LAP3: variants seen among roughly 807,000 people sequenced by gnomAD.
LAP3 encodes cytosol aminopeptidase.
A neutral mutation model predicts 58.8 loss-of-function variants in LAP3; 46 were observed. The observed-to-expected ratio is 0.78, with a 90% CI of 0.62 to 1.00. The LOEUF is 1.00. Ranked by LOEUF, LAP3 falls within the 50% of genes least tolerant of loss-of-function variation. The probability of loss-of-function intolerance (pLI) is 0.00; values close to 1 mark genes in which losing one functional copy is unlikely to be tolerated. For synonymous variants in LAP3, 257 were observed against 237.7 expected (o/e 1.08, Z -0.75); for missense variants, 615 against 659.1 (o/e 0.93, Z 0.73).
rs772219866 is a variant in LAP3 at position 17,583,498 on chromosome 4, T to G, written c.395T>G (p.Ile132Ser). 6 of 1,613,964 alleles carry G rather than the reference T, an allele frequency of 3.7e-6. No individual in the cohort carries two copies. In the Admixed American group the frequency reaches 1.0e-4, roughly 27 times the overall value. The change falls in exon 5 of 13, where the codon ATT becomes AGT. Residue 132 changes from isoleucine to serine, a missense_variant. By Grantham distance (142) the Ile-to-Ser change is moderately radical. Transcript: ENST00000226299. ...TCTTTTCAAGCGGGGTGCAGGCAGA[T>G]TCAAGACCTGGAGCTCTCGTCTGTG... ...RAAVAAGCRQ[I>S]QDLELSSVEV...
At chr4:17,580,232 C>G in intron 2 of LAP3, among the ~76,000 whole-genome samples, 1 of 94,756 alleles carries the variant, frequency 1.1e-5, no homozygotes, top group Non-Finnish European at 2.1e-5. Flanking sequence ...GTTGGCCAGG[C>G]TGGTGTTGAA....
chr4:17,588,993 T>C lies in LAP3; in HGVS notation c.863+16T>C, dbSNP rs2109020159. 1 of 1,607,352 alleles carries C rather than the reference T, an allele frequency of 6.2e-7. No homozygotes were observed. The highest frequency in any genetic ancestry group is 8.5e-7 in the Non-Finnish European group (1 of 1,175,440). On this transcript the variant is annotated intron_variant, in intron 7 of 12. Transcript: ENST00000226299. ...CCTTTGACAGGTATTTTTTATGGTGTCCGTGCTTTGTATTTTGGTGAATTA... is the reference window on the plus strand; with the variant it reads ...CCTTTGACAGGTATTTTTTATGGTGCCCGTGCTTTGTATTTTGGTGAATTA...
At chr4:17,586,931 C>A (rs529348534) in intron 6 of LAP3, among the ~76,000 whole-genome samples, 4 of 152,312 alleles carry the variant, frequency 2.6e-5, no homozygotes, top group Admixed American at 2.6e-4. Flanking sequence ...CATGGCGAAA[C>A]ACCATCTCTA....
At chr4:17,584,534 C>A (rs1713452298) in intron 5 of LAP3, among the ~76,000 whole-genome samples, 1 of 152,220 alleles carries the variant, frequency 6.6e-6, no homozygotes, top group Non-Finnish European at 1.5e-5. Context: ...AAAAGGTCTT[C>A]AGTTGCCACG....
intron 7 of LAP3, among the ~76,000 whole-genome samples, chr4:17,592,423 T>G (rs540696099): frequency 2.6e-5 from 4 of 152,356 alleles, no homozygotes; most frequent in African/African-American, 9.6e-5. Flanking sequence ...TTGAGTAGTG[T>G]TCAATTGTAT....
At chr4:17,587,426 G>GTT (rs1446103155) in intron 6 of LAP3, 1 of 78,188 alleles carries the variant, frequency 1.3e-5, no homozygotes, top group African/African-American at 5.9e-5. Context: ...CCTTGTTGTT[G>GTT]TTGTTTTTTT....
intron 1 of LAP3, among the ~76,000 whole-genome samples, 198 bp from the exon 2 acceptor site, chr4:17,579,626 T>C (rs557963333): frequency 6.6e-6 from 1 of 152,290 alleles, no homozygotes; most frequent in African/African-American, 2.4e-5. Context: ...GGTCTTGCTT[T>C]GGCAGGAATC....
rs375901782 is a variant in LAP3, at chr4:17,607,544, G to C, written c.1515G>C (p.Arg505Ser). The C allele has an allele frequency of 7.0e-5, 113 of 1,613,776 alleles. No individual in the cohort carries two copies. The highest frequency in any genetic ancestry group is 9.5e-5 in the Non-Finnish European group (112 of 1,179,972). The change falls in exon 13 of 13, where the codon AGG (arginine) becomes AGC (serine). Residue 505 changes from arginine (R) to serine (S), a missense_variant. Arg to Ser is a moderately radical substitution (Grantham distance 110, BLOSUM62 -1). Transcript: ENST00000226299. ...LRKGMTGRPT[R>S]TLIEFLLRFS... ...AAGGCATGACTGGGAGGCCCACAAG[G>C]ACTCTCATTGAGTTCTTACTTCGTT...
intron 7 of LAP3, 129 bp from the exon 8 acceptor site, chr4:17,595,281 G>A (rs532478052): frequency 2.1e-5 from 20 of 936,514 alleles, no homozygotes; most frequent in African/African-American, 1.3e-4. Context: ...CTCGTGATCC[G>A]CCCACCTCGG....
Position 17,582,295 on chromosome 4 carries a change from C to G in LAP3, c.281C>G (p.Pro94Arg). The G allele has an allele frequency of 6.2e-7, 1 of 1,613,722 alleles. No individual in the cohort carries two copies. The highest frequency in any genetic ancestry group is 8.5e-7 in the Non-Finnish European group (1 of 1,179,680). Residue 94 changes from proline to arginine, a missense_variant, in exon 4 of 13, where the codon CCC (proline) becomes CGC (arginine). By Grantham distance (103) the Pro-to-Arg change is moderately radical. Coordinates refer to ENST00000226299, the MANE Select transcript of LAP3 (RefSeq NM_015907.3). ...RTFYGLHQDF[P>R]SVVLVGLGKK... ...GGTGTATCTGTGGGACAGGACTTCCCCAGCGTGGTGCTAGTTGGCCTCGGC... is the reference window on the plus strand; with the variant it reads ...GGTGTATCTGTGGGACAGGACTTCCGCAGCGTGGTGCTAGTTGGCCTCGGC...
intron 7 of LAP3, among the ~76,000 whole-genome samples, chr4:17,592,100 AATAG>A (rs1388194279): frequency 3.3e-5 from 5 of 152,128 alleles, no homozygotes; most frequent in African/African-American, 9.7e-5. Context: ...TAAATAAATA[AATAG>A]ATAGATTAGA....
intron 4 of LAP3, chr4:17,582,646 T>A: frequency 2.9e-6 from 1 of 347,026 alleles, no homozygotes; most frequent in Non-Finnish European, 5.3e-6. Context: ...TTGTTCGCTC[T>A]TGTCATATTA....
chr4:17,592,488 T>C (rs1348637705), intron 7 of LAP3, among the ~76,000 whole-genome samples: 2 of 152,236 alleles, frequency 1.3e-5, no homozygotes, highest in Non-Finnish European at 2.9e-5. Context: ...TTGTGTTGTT[T>C]CCAGTTTTAG....
chr4:17,577,415 C>G lies in LAP3; in HGVS notation c.-51C>G, dbSNP rs1399564406. On this transcript the variant is annotated 5_prime_UTR_variant, in exon 1 of 13. Transcript: ENST00000226299. ...CCCCGCCCCAAGGCGCGCCCGCCCACCGCTCTCCACGTGCTCGCTGGAGGG... is the reference window on the plus strand; with the variant it reads ...CCCCGCCCCAAGGCGCGCCCGCCCAGCGCTCTCCACGTGCTCGCTGGAGGG... 4 of 1,409,522 alleles carry G rather than the reference C, an allele frequency of 2.8e-6. No individual in the cohort carries two copies. Among genetic ancestry groups the G allele is most frequent in the Non-Finnish European group, 3.8e-6 (4 of 1,055,282 alleles). The allele number at this position is 1,409,522 out of a possible 1,614,324, so 87.3% of individuals were successfully genotyped here.
intron 6 of LAP3, 50 bp from the exon 7 acceptor site, chr4:17,588,769 T>C (rs201380506): frequency 6.6e-7 from 1 of 1,523,918 alleles, no homozygotes; most frequent in East Asian, 2.3e-5. Flanking sequence ...TCTGTTATTT[T>C]GAAATAAAGG....
chr4:17,581,855 C>G (rs1316538721), intron 3 of LAP3, 41 bp downstream of exon 3: 1 of 1,490,714 alleles, frequency 6.7e-7, no homozygotes, highest in East Asian at 2.3e-5. Context: ...CCTCAATGAG[C>G]ATCTACTGTA....
Position 17,577,246 on chromosome 4 carries a change from G to GCC in LAP3, c.-219_-218insCC. 3 of 376,496 alleles carry GCC rather than the reference G, an allele frequency of 8.0e-6. No individual in the cohort carries two copies. Among genetic ancestry groups the GCC allele is most frequent in the East Asian group, 4.3e-5 (1 of 23,146 alleles). The allele number at this position is 376,496 out of a possible 1,614,324, so 23.3% of individuals were successfully genotyped here. ...AATGCGGGCGCACACGAATGCGGGC[G>GCC]CACCCTTGAGTCCCCTCCACAACCG... On this transcript the variant is annotated 5_prime_UTR_variant, in exon 1 of 13. It introduces an in-frame stop codon into an upstream open reading frame of the 5' UTR. Transcript: ENST00000226299.
At chr4:17,597,490 A>G (rs1713860641) in intron 9 of LAP3, among the ~76,000 whole-genome samples, 1 of 152,146 alleles carries the variant, frequency 6.6e-6, no homozygotes. Flanking sequence ...GCTGGTCCCA[A>G]ACTCCTAGAC....
At chr4:17,591,499 A>G (rs764869710) in intron 7 of LAP3, among the ~76,000 whole-genome samples, 3 of 152,154 alleles carry the variant, frequency 2.0e-5, no homozygotes, top group Admixed American at 6.5e-5. Flanking sequence ...GGTGAAGTTT[A>G]TTGTTAATTT....
Sources: allele counts gnomAD v4.1 joint callset (sites outside exome capture counted in the v4.1 genomes callset), GRCh38; gene constraint gnomAD v4.1.1; transcripts MANE v1.5; gene names NCBI Gene and HGNC (gene_info 2026-07-23, HGNC 2026-07-21).